TSPAN18: variants seen among roughly 807,000 people sequenced by gnomAD.
The protein encoded by TSPAN18 is tetraspanin-18.
A neutral mutation model predicts 27.3 loss-of-function variants in TSPAN18; 14 were observed. The observed-to-expected ratio is 0.51, with a 90% CI of 0.34 to 0.80. TSPAN18 has a LOEUF of 0.80. Among genes scored for constraint, TSPAN18 ranks in the 30% least tolerant of loss-of-function variants. The probability of loss-of-function intolerance (pLI) is 0.01; values close to 1 mark genes in which losing one functional copy is unlikely to be tolerated. For synonymous variants in TSPAN18, 143 were observed against 136.5 expected, an observed-to-expected ratio of 1.05 and a Z score of -0.33; for missense variants, 268 against 323.9, an observed-to-expected ratio of 0.83 and a Z score of 1.32.
intron 2 of TSPAN18, among the ~76,000 whole-genome samples, chr11:44,771,893 A>C (rs2123454): frequency 0.071 from 10,858 of 152,312 alleles, 549 homozygotes; most frequent in African/African-American, 0.15. Context: ...GGATTCTAAG[A>C]GATGACTGTT....
chr11:44,864,709 C>T (rs1311675099), intron 3 of TSPAN18, among the ~76,000 whole-genome samples: 4 of 152,210 alleles, frequency 2.6e-5, no homozygotes, highest in African/African-American at 4.8e-5. Flanking sequence ...AAGTGTTTCA[C>T]GGGGAAGATG....
chr11:44,804,484 G>A (rs1363218866), intron 2 of TSPAN18, among the ~76,000 whole-genome samples: 4 of 152,178 alleles, frequency 2.6e-5, no homozygotes, highest in Non-Finnish European at 5.9e-5. Flanking sequence ...CCTGGCAATG[G>A]ATGAGTTCAA....
intron 2 of TSPAN18, among the ~76,000 whole-genome samples, chr11:44,773,967 G>A (rs571741856): frequency 1.0e-3 from 152 of 152,208 alleles, no homozygotes; most frequent in African/African-American, 3.6e-3. Flanking sequence ...CCTCCCTCCC[G>A]GTCCTGTGCT....
chr11:44,808,791 T>C (rs1334744794), intron 2 of TSPAN18, among the ~76,000 whole-genome samples: 1 of 152,204 alleles, frequency 6.6e-6, no homozygotes, highest in Non-Finnish European at 1.5e-5. Context: ...CTCACCGTGG[T>C]TTGTGATAAC....
intron 1 of TSPAN18, among the ~76,000 whole-genome samples, chr11:44,757,527 G>A (rs1050905234): frequency 6.6e-6 from 1 of 152,090 alleles, no homozygotes; most frequent in Non-Finnish European, 1.5e-5. Context: ...GAGACTACAG[G>A]CATGTGCCAC....
chr11:44,847,351 C>T (rs1224734078), intron 2 of TSPAN18, among the ~76,000 whole-genome samples: 1 of 152,234 alleles, frequency 6.6e-6, no homozygotes, highest in Non-Finnish European at 1.5e-5. Context: ...CTGTGAGTTA[C>T]ATCACCTCTT....
intron 4 of TSPAN18, among the ~76,000 whole-genome samples, chr11:44,908,794 A>AAGGAAGGAAG (rs1859579631): frequency 1.3e-5 from 1 of 77,832 alleles, no homozygotes; most frequent in African/African-American, 4.2e-5. Context: ...AAAGAAAGAA[A>AAGGAAGGAAG]GAAAGAAAGA....
chr11:44,759,112 C>T (rs1262820878), intron 1 of TSPAN18, among the ~76,000 whole-genome samples: 1 of 152,208 alleles, frequency 6.6e-6, no homozygotes, highest in Non-Finnish European at 1.5e-5. Context: ...TTTGCCTATC[C>T]CATGCCTGTT....
intron 3 of TSPAN18, among the ~76,000 whole-genome samples, chr11:44,861,432 T>A (rs1857880684): frequency 1.4e-5 from 1 of 73,156 alleles, no homozygotes; most frequent in African/African-American, 5.5e-5. Context: ...TGGTCGGGGC[T>A]GTGGGGACTG....
intron 2 of TSPAN18, among the ~76,000 whole-genome samples, chr11:44,839,254 A>T (rs1857321463): frequency 6.6e-6 from 1 of 152,220 alleles, no homozygotes; most frequent in South Asian, 2.1e-4. Flanking sequence ...GGAAGGGGTC[A>T]GGGGCTTGGA....
intron 3 of TSPAN18, among the ~76,000 whole-genome samples, chr11:44,877,579 G>A (rs1858372120): frequency 6.6e-6 from 1 of 152,140 alleles, no homozygotes; most frequent in Non-Finnish European, 1.5e-5. Context: ...CATCTCCCCG[G>A]GTGTCCAAGC....
At chr11:44,835,434 ATCT>A (rs1433506199) in intron 2 of TSPAN18, among the ~76,000 whole-genome samples, 1 of 152,152 alleles carries the variant, frequency 6.6e-6, no homozygotes, top group Non-Finnish European at 1.5e-5. Context: ...TCAAGCTGAG[ATCT>A]TCTTCGTATT....
intron 1 of TSPAN18, among the ~76,000 whole-genome samples, chr11:44,737,729 C>G (rs1034297810): frequency 6.6e-6 from 1 of 152,080 alleles, no homozygotes; most frequent in African/African-American, 2.4e-5. Flanking sequence ...ACCTCTGCCC[C>G]CTCCCCACGC....
At chr11:44,852,609 C>T (rs1857633490) in intron 2 of TSPAN18, among the ~76,000 whole-genome samples, 1 of 152,210 alleles carries the variant, frequency 6.6e-6, no homozygotes, top group Non-Finnish European at 1.5e-5. Flanking sequence ...CATGTGTGTG[C>T]CCCCCTTGGC....
At chr11:44,829,738 T>C (rs1396562329) in intron 2 of TSPAN18, among the ~76,000 whole-genome samples, 6 of 152,306 alleles carry the variant, frequency 3.9e-5, no homozygotes, top group Non-Finnish European at 1.5e-5. Context: ...AGGGTATGTT[T>C]AGTTTTATAA....
intron 3 of TSPAN18, among the ~76,000 whole-genome samples, chr11:44,868,029 C>T (rs1462792129): frequency 6.6e-6 from 1 of 152,182 alleles, no homozygotes; most frequent in Non-Finnish European, 1.5e-5. Flanking sequence ...GACTCAGTTG[C>T]AGTCATTGCA....
intron 2 of TSPAN18, among the ~76,000 whole-genome samples, chr11:44,782,700 A>G (rs1408396829): frequency 6.6e-6 from 1 of 152,188 alleles, no homozygotes; most frequent in Non-Finnish European, 1.5e-5. Context: ...AGTTTTAGAC[A>G]TTCTAATAGT....
chr11:44,793,312 A>G (rs835845), intron 2 of TSPAN18, among the ~76,000 whole-genome samples: 150,057 of 152,266 alleles, frequency 0.99, 73,981 homozygotes, highest in Middle Eastern at 1. Flanking sequence ...TGCTTGTGGA[A>G]CAGAGCCACT....
chr11:44,897,578 T>G, intron 3 of TSPAN18, among the ~76,000 whole-genome samples: 1 of 152,182 alleles, frequency 6.6e-6, no homozygotes, highest in African/African-American at 2.4e-5. Flanking sequence ...ACTCCCCCGC[T>G]GGAGTGGCCT....
Sources: allele counts gnomAD v4.1 joint callset (sites outside exome capture counted in the v4.1 genomes callset), GRCh38; gene constraint gnomAD v4.1.1; transcripts MANE v1.5; gene names NCBI Gene and HGNC (gene_info 2026-07-23, HGNC 2026-07-21).